Variants in SCP2 observed in about 807,000 individuals in gnomAD.
The protein encoded by SCP2 is sterol carrier protein 2, also known as SCP-2/3-oxoacyl-CoA thiolase.
SCP2 carries 48 observed loss-of-function variants against 71.4 expected under a neutral mutation model. That is an observed-to-expected ratio of 0.67 (90% CI 0.53 to 0.86). The LOEUF (loss-of-function observed/expected upper bound fraction) is 0.86, where lower values mean the gene tolerates loss of function less well. Among genes scored for constraint, SCP2 ranks in the 40% least tolerant of loss-of-function variants. The pLI is 0.00. For synonymous variants in SCP2, 220 were observed against 218.1 expected, an observed-to-expected ratio of 1.01 and a Z score of -0.08; for missense variants, 560 against 655.6, an observed-to-expected ratio of 0.85 and a Z score of 1.59.
In SCP2 at chr1:53,015,017, C is replaced by T; in HGVS notation, c.1209C>T (p.Tyr403=). 3 of 1,614,144 alleles carry T rather than the reference C, an allele frequency of 1.9e-6. No homozygotes were observed. Among genetic ancestry groups the T allele is most frequent in the Non-Finnish European group, 2.5e-6 (3 of 1,179,982 alleles). ...GAGGAGCTGTGGTTGTAACACTCTA[C>T]AAGATGGGTTTTCCGGAAGCCGCCA... ...GIGGAVVVTL[Y]KMGFPEAASS... is the part of the protein sequence containing the mutation. Residue 403 remains tyrosine (Y), a synonymous_variant, in exon 12 of 16, where the codon TAC becomes TAT. Coordinates refer to ENST00000371514, the MANE Select transcript of SCP2 (RefSeq NM_002979.5).
chr1:53,008,259 A>G (rs1447670953), intron 11 of SCP2, among the ~76,000 whole-genome samples: 2 of 152,214 alleles, frequency 1.3e-5, no homozygotes, highest in Non-Finnish European at 2.9e-5. Flanking sequence ...AAAAGAGGGA[A>G]TCCTCCCTAA....
chr1:53,043,643 G>A (rs573423928), intron 14 of SCP2, among the ~76,000 whole-genome samples: 5 of 152,290 alleles, frequency 3.3e-5, no homozygotes, highest in African/African-American at 1.2e-4. Context: ...GATCAGATGA[G>A]ACCAGATATG....
intron 6 of SCP2, among the ~76,000 whole-genome samples, chr1:52,965,102 T>G (rs1656835225): frequency 6.6e-6 from 1 of 152,234 alleles, no homozygotes; most frequent in Non-Finnish European, 1.5e-5. Context: ...GTCACTACAG[T>G]GATAAAAATT....
rs146663260 is a variant in SCP2 at position 52,937,707 on chromosome 1, T to C, written c.70-4089T>C. Among the ~76,000 whole-genome samples the C allele has an allele frequency of 4.2e-4, 64 of 152,316 alleles. 2 individuals carry two copies. In the East Asian group the frequency reaches 5.2e-3, roughly 12 times the overall value. ...CTCAATTTAGAAAGTTGTCTTAGAA[T>C]TAAAAATTGAAATAGAACAGGAAAT... On this transcript the variant is annotated intron_variant, in intron 1 of 15. Transcript: ENST00000371514.
intron 12 of SCP2, among the ~76,000 whole-genome samples, chr1:53,017,393 T>G (rs1360414978): frequency 6.6e-6 from 1 of 152,220 alleles, no homozygotes; most frequent in East Asian, 1.9e-4. Flanking sequence ...TGGCAACCAC[T>G]GATCTGTTTT....
chr1:52,950,288 T>G (rs1453480924), intron 3 of SCP2, among the ~76,000 whole-genome samples: 1 of 151,990 alleles, frequency 6.6e-6, no homozygotes, highest in East Asian at 1.9e-4. Context: ...GCCTGGCTAA[T>G]TTTTTGTATT....
At chr1:53,030,577 T>C (rs1335738022) in intron 13 of SCP2, among the ~76,000 whole-genome samples, 1 of 152,078 alleles carries the variant, frequency 6.6e-6, no homozygotes, top group Non-Finnish European at 1.5e-5. Flanking sequence ...ACACCTCTGA[T>C]ACTATGTTGG....
At chr1:52,992,810 A>G (rs978437678) in intron 11 of SCP2, among the ~76,000 whole-genome samples, 5 of 150,654 alleles carry the variant, frequency 3.3e-5, no homozygotes, top group Non-Finnish European at 5.9e-5. Flanking sequence ...CTATATTTCT[A>G]TTTAGAGTAA....
chr1:52,929,266 T>C (rs940164737), intron 1 of SCP2, among the ~76,000 whole-genome samples: 5 of 149,962 alleles, frequency 3.3e-5, no homozygotes, highest in Admixed American at 2.7e-4. Flanking sequence ...GGTGCAATCA[T>C]AGCTCACTGC....
intron 10 of SCP2, among the ~76,000 whole-genome samples, chr1:52,985,796 A>G (rs1448636828): frequency 6.6e-6 from 1 of 151,284 alleles, no homozygotes; most frequent in African/African-American, 2.4e-5. Flanking sequence ...AACATACATG[A>G]TTTGCTCTCT....
At chr1:52,930,275 G>A (rs973747458) in intron 1 of SCP2, among the ~76,000 whole-genome samples, 33 of 151,504 alleles carry the variant, frequency 2.2e-4, no homozygotes, top group Admixed American at 6.6e-5. Context: ...TTAAAGCAAC[G>A]CTTATTACAT....
chr1:52,997,836 A>G (rs1171355222), intron 11 of SCP2, among the ~76,000 whole-genome samples: 1 of 152,214 alleles, frequency 6.6e-6, no homozygotes, highest in Admixed American at 6.5e-5. Context: ...AAACATTTTC[A>G]TTACCCCCAA....
chr1:53,031,879 AG>A (rs1334148446), intron 13 of SCP2, among the ~76,000 whole-genome samples: 1 of 152,220 alleles, frequency 6.6e-6, no homozygotes, highest in Non-Finnish European at 1.5e-5. Flanking sequence ...TCAAGTATGC[AG>A]GTAGAATTTC....
chr1:52,994,601 G>T lies in SCP2; in HGVS notation c.1081+6465G>T, dbSNP rs537746311. 26 of 364,672 alleles carry T rather than the reference G, an allele frequency of 7.1e-5. No homozygotes were observed. The South Asian group carries it at 7.4e-4, about 10-fold the overall frequency. The allele number at this position is 364,672 out of a possible 1,614,324, so 22.6% of individuals were successfully genotyped here. A position where few individuals can be genotyped will look rare whatever the true frequency, so the allele number is the denominator to read the frequency against. On this transcript the variant is annotated intron_variant, in intron 11 of 15. Transcript: ENST00000371514. Reference sequence around the variant, plus strand: ...CTTCCTGCTGCCACATTTGCACCTTGCTGCTCTAGCCTCTGGGGTGCATTC... The same window carrying T: ...CTTCCTGCTGCCACATTTGCACCTTTCTGCTCTAGCCTCTGGGGTGCATTC...
chr1:52,950,824 T>C lies in SCP2; in HGVS notation c.269T>C (p.Val90Ala). 3.7e-6 allele frequency: 6 copies of C among 1,613,846 alleles called. No homozygotes were observed. The highest frequency in any genetic ancestry group is 5.1e-6 in the Non-Finnish European group (6 of 1,179,750). Residue 90 changes from valine to alanine, a missense_variant, in exon 4 of 16, where the codon GTC (valine) becomes GCC (alanine). Coordinates refer to ENST00000371514, the MANE Select transcript of SCP2 (RefSeq NM_002979.5). ...LGMTGIPIIN[V>A]NNNCATGSTA... The stretch of plus-strand genomic sequence containing the variant: ...ATGACTGGAATTCCTATAATCAATG[T>C]CAACAATAACTGTGCTACTGGTTCT...
chr1:52,962,994 T>C (rs949507534), intron 6 of SCP2, among the ~76,000 whole-genome samples: 1 of 151,368 alleles, frequency 6.6e-6, no homozygotes, highest in Non-Finnish European at 1.5e-5. Context: ...TCTTATTTCC[T>C]GCACATTGAT....
chr1:52,991,313 A>G (rs1451468959), intron 11 of SCP2, among the ~76,000 whole-genome samples: 1 of 152,238 alleles, frequency 6.6e-6, no homozygotes, highest in East Asian at 1.9e-4. Context: ...TTCCCTTCCC[A>G]ACTACAAAAG....
chr1:52,965,565 T>C (rs983380136), intron 6 of SCP2, among the ~76,000 whole-genome samples: 2 of 152,238 alleles, frequency 1.3e-5, no homozygotes, highest in Non-Finnish European at 2.9e-5. Context: ...TTGCTGCTGC[T>C]ATTGCACATG....
chr1:52,942,254 T>G (rs74971567), intron 2 of SCP2, among the ~76,000 whole-genome samples: 2,390 of 152,310 alleles, frequency 0.016, 55 homozygotes, highest in African/African-American at 0.055. Context: ...GTGGTTTTCT[T>G]TACTTCACTG....
Sources: allele counts gnomAD v4.1 joint callset (sites outside exome capture counted in the v4.1 genomes callset), GRCh38; gene constraint gnomAD v4.1.1; transcripts MANE v1.5; gene names NCBI Gene and HGNC (gene_info 2026-07-23, HGNC 2026-07-21).